The following NFATC3 variants were observed in gnomAD, a reference collection of about 807,000 sequenced individuals.
NFATC3 encodes nuclear factor of activated T-cells, cytoplasmic 3.
NFATC3 carries 46 observed loss-of-function variants against 98.6 expected under a neutral mutation model. The observed-to-expected ratio is 0.47, with a 90% CI of 0.37 to 0.60. NFATC3 has a LOEUF of 0.60. NFATC3 is among the 20% of genes least tolerant of loss of function. NFATC3 has a pLI of 0.00. For missense variants in NFATC3, 1,256 were observed against 1,295.5 expected, an observed-to-expected ratio of 0.97 and a Z score of 0.47; for synonymous variants, 512 against 472.2, an observed-to-expected ratio of 1.08 and a Z score of -1.09.
intron 2 of NFATC3, among the ~76,000 whole-genome samples, chr16:68,124,392 A>G (rs1163285070): frequency 2.0e-5 from 3 of 151,000 alleles, no homozygotes; most frequent in Non-Finnish European, 4.4e-5. Context: ...GATTACAGGC[A>G]GGAGCCACTG....
chr16:68,175,193 C>A (rs2039634876), intron 6 of NFATC3, among the ~76,000 whole-genome samples: 1 of 152,148 alleles, frequency 6.6e-6, no homozygotes, highest in Non-Finnish European at 1.5e-5. Context: ...TATATGACTC[C>A]ATTTGTATAA....
At chr16:68,198,766 T>G (rs1026778852) in intron 9 of NFATC3, among the ~76,000 whole-genome samples, 1 of 151,962 alleles carries the variant, frequency 6.6e-6, no homozygotes. Flanking sequence ...TAGCTGAGCA[T>G]AGCTGGGCGT....
Position 68,159,396 on chromosome 16 carries a change from C to G in NFATC3, c.1601+1328C>G, listed in dbSNP as rs188264141. Among the ~76,000 whole-genome samples the G allele has an allele frequency of 2.0e-5, 3 of 148,842 alleles. No individual in the cohort carries two copies. In the East Asian group the frequency reaches 5.8e-4, roughly 29 times the overall value. On this transcript the variant is annotated intron_variant, in intron 4 of 9. Coordinates refer to ENST00000346183, the MANE Select transcript of NFATC3 (RefSeq NM_173165.3). ...AATTGTTTCAAACTACACTATAGAC[C>G]TTTCTTTCTTTTTTTTTTTTTTTTA... is the stretch of plus-strand genomic sequence containing the variant.
Position 68,174,366 on chromosome 16 carries a change from T to G in NFATC3, c.1775-8T>G, listed in dbSNP as rs1199578983. ...TTTTTCTCAACTCTTTAAAAAAATT[T>G]AAAACAGCCCAGCGGTCTGCTCAAG... On this transcript the variant is annotated splice_region_variant and splice_polypyrimidine_tract_variant and intron_variant, in intron 5 of 9. Coordinates refer to ENST00000346183, the MANE Select transcript of NFATC3 (RefSeq NM_173165.3). The G allele has an allele frequency of 1.3e-5, 18 of 1,387,640 alleles. No homozygotes were observed. The highest frequency in any genetic ancestry group is 1.7e-5 in the Non-Finnish European group (18 of 1,063,240). The allele number at this position is 1,387,640 out of a possible 1,614,324, so 86.0% of individuals were successfully genotyped here. A position where few individuals can be genotyped will look rare whatever the true frequency, so the allele number is the denominator to read the frequency against.
chr16:68,189,746 T>C (rs1484044333), intron 8 of NFATC3, among the ~76,000 whole-genome samples: 1 of 152,176 alleles, frequency 6.6e-6, no homozygotes, highest in Non-Finnish European at 1.5e-5. Context: ...TCTGAGTATT[T>C]TATTATTTTT....
intron 5 of NFATC3, among the ~76,000 whole-genome samples, chr16:68,167,783 GT>G (rs1264091243): frequency 1.6e-5 from 1 of 61,000 alleles, no homozygotes; most frequent in Non-Finnish European, 3.7e-5. Flanking sequence ...ATTATATAAT[GT>G]TTTATATCTG....
At position 68,112,646 on chromosome 16, in the gene NFATC3, G is replaced by GTTTTTTT. The variant is rs914607835; in HGVS notation, c.104-9324_104-9318dup. Among the ~76,000 whole-genome samples the GTTTTTTT allele has an allele frequency of 5.8e-4, 57 of 97,680 alleles. 1 individual carries two copies. The highest frequency in any genetic ancestry group is 7.8e-4 in the Non-Finnish European group (41 of 52,430). 64.1% of individuals were successfully genotyped at this position (97,680 alleles called of 152,430 possible). ...CATTTCTTTTCATTTTTTCTTTTTC[G>GTTTTTTT]TTTTTTTTTTTTTTTTTTTTTTTGA... On this transcript the variant is annotated intron_variant, in intron 1 of 9. Coordinates refer to ENST00000346183, the MANE Select transcript of NFATC3 (RefSeq NM_173165.3).
At chr16:68,196,934 G>A (rs2040700408) in intron 9 of NFATC3, among the ~76,000 whole-genome samples, 2 of 152,010 alleles carry the variant, frequency 1.3e-5, no homozygotes, top group Admixed American at 1.3e-4. Flanking sequence ...GGAGGCTGAG[G>A]CAGGAGAGTC....
intron 9 of NFATC3, among the ~76,000 whole-genome samples, chr16:68,197,729 ACCAC>A (rs1285659127): frequency 1.3e-5 from 2 of 152,198 alleles, no homozygotes; most frequent in African/African-American, 4.8e-5. Context: ...CCACTCTACA[ACCAC>A]AGGACACGGT....
At position 68,157,880 on chromosome 16, in the gene NFATC3, T is replaced by C. The variant is rs1007276029; in HGVS notation, c.1413T>C (p.Tyr471=). 2 of 1,612,902 alleles carry C rather than the reference T, an allele frequency of 1.2e-6. No individual in the cohort carries two copies. The highest frequency in any genetic ancestry group is 1.7e-6 in the Non-Finnish European group (2 of 1,179,490). The change falls in exon 4 of 10, where the codon TAT becomes TAC. Residue 471 remains tyrosine, a synonymous_variant. Coordinates refer to ENST00000346183, the MANE Select transcript of NFATC3 (RefSeq NM_173165.3). ...TTTTTCCTGATTAGCTCCTGGGCTA[T>C]AACGAAAAGCCAATAAATCTACAAA... is the stretch of plus-strand genomic sequence containing the variant. ...GGHPVVKLLG[Y]NEKPINLQMF...
At chr16:68,089,101 G>A in intron 1 of NFATC3, 2 of 985,406 alleles carry the variant, frequency 2.0e-6, no homozygotes, top group Non-Finnish European at 2.4e-6. Flanking sequence ...ATTAGATCTT[G>A]GTAATTTGGG....
chr16:68,150,212 C>T (rs1415653614), intron 3 of NFATC3, among the ~76,000 whole-genome samples: 1 of 151,978 alleles, frequency 6.6e-6, no homozygotes, highest in East Asian at 1.9e-4. Context: ...TCAGACCCAG[C>T]CCCACTCTCA....
Position 68,178,711 on chromosome 16 carries a change from C to T in NFATC3, c.1916-2764C>T, listed in dbSNP as rs116860656. Among the ~76,000 whole-genome samples the T allele has an allele frequency of 4.5e-3, 687 of 152,256 alleles. 8 individuals are homozygous for T. The highest frequency in any genetic ancestry group is 0.035 in the East Asian group (179 of 5,176). On this transcript the variant is annotated intron_variant, in intron 6 of 9. Coordinates refer to ENST00000346183, the MANE Select transcript of NFATC3 (RefSeq NM_173165.3). The stretch of plus-strand genomic sequence containing the variant: ...GTGAATAAGGAGCAGGAGGAAGAGA[C>T]GGTGTCTCAGAGCTGTCCCTTCCTT...
intron 1 of NFATC3, among the ~76,000 whole-genome samples, chr16:68,107,969 T>C (rs2035752160): frequency 1.3e-5 from 2 of 151,716 alleles, no homozygotes; most frequent in African/African-American, 4.8e-5. Flanking sequence ...CTCTGGATAT[T>C]AGACCTTAGT....
At chr16:68,185,236 C>A (rs1238208541) in intron 8 of NFATC3, among the ~76,000 whole-genome samples, 2 of 152,152 alleles carry the variant, frequency 1.3e-5, no homozygotes, top group Admixed American at 1.3e-4. Flanking sequence ...CTTGGCCTTC[C>A]AAAGCGCTGG....
intron 8 of NFATC3, among the ~76,000 whole-genome samples, chr16:68,188,627 T>C (rs2040313901): frequency 6.6e-6 from 1 of 152,244 alleles, no homozygotes; most frequent in Non-Finnish European, 1.5e-5. Flanking sequence ...GGCAATCCCC[T>C]TGCAATAGGG....
chr16:68,135,471 A>G (rs1353206825), intron 3 of NFATC3, among the ~76,000 whole-genome samples: 2 of 151,224 alleles, frequency 1.3e-5, no homozygotes, highest in Admixed American at 6.6e-5. Flanking sequence ...AAAAAAAAAA[A>G]AAAAAAAAAA....
At chr16:68,132,259 A>C (rs542807304) in intron 3 of NFATC3, among the ~76,000 whole-genome samples, 1 of 152,206 alleles carries the variant, frequency 6.6e-6, no homozygotes, top group African/African-American at 2.4e-5. Context: ...ACTTTGATCT[A>C]TAAACTTCAA....
At position 68,191,181 on chromosome 16, in the gene NFATC3, C is replaced by CT; in HGVS notation, c.2515dup (p.Ser839PhefsTer62). ...AGTTTTGTTTCAGCAGGATGCAACTCTTTCTGGTTTAGTGAATCTTGGCTG... is the reference window on the plus strand; with the variant it reads ...AGTTTTGTTTCAGCAGGATGCAACTCTTTTCTGGTTTAGTGAATCTTGGCTG... On this transcript the variant is annotated frameshift_variant, in exon 9 of 10. Coordinates refer to ENST00000346183, the MANE Select transcript of NFATC3 (RefSeq NM_173165.3). LOFTEE classifies it high-confidence loss of function. 1 of 1,614,192 alleles carries CT rather than the reference C, an allele frequency of 6.2e-7. No individual in the cohort carries two copies. Among genetic ancestry groups the CT allele is most frequent in the Non-Finnish European group, 8.5e-7 (1 of 1,180,034 alleles).
Sources: allele counts gnomAD v4.1 joint callset (sites outside exome capture counted in the v4.1 genomes callset), GRCh38; gene constraint gnomAD v4.1.1; transcripts MANE v1.5; gene names NCBI Gene and HGNC (gene_info 2026-07-23, HGNC 2026-07-21).